The following OR5K1 variants were observed in gnomAD, a reference collection of about 807,000 sequenced individuals.
The protein encoded by OR5K1 is olfactory receptor 5K1.
In OR5K1, 7 loss-of-function variants were observed where a neutral mutation model predicts 10.4. The ratio of observed to expected loss-of-function variants is 0.67; its 90% confidence interval spans 0.38 to 1.26. OR5K1 has a LOEUF of 1.26. OR5K1 is among the 50% of genes most tolerant of loss of function. The probability of loss-of-function intolerance (pLI) is 0.02; values close to 1 mark genes in which losing one functional copy is unlikely to be tolerated. For synonymous variants in OR5K1, 135 were observed against 128.5 expected (o/e 1.05, Z -0.34); for missense variants, 435 against 366.2 (o/e 1.19, Z -1.53).
chr3:98,471,439 T>C lies in OR5K1; in HGVS notation c.*936T>C, dbSNP rs1705446113. The C allele has an allele frequency of 3.9e-5, 6 of 152,034 alleles. No homozygotes were observed. Among genetic ancestry groups the C allele is most frequent in the Admixed American group, 2.6e-4 (4 of 15,246 alleles). 9.4% of individuals were successfully genotyped at this position (152,034 alleles called of 1,614,324 possible). On this transcript the variant is annotated 3_prime_UTR_variant, in exon 2 of 2. Coordinates refer to ENST00000642057, the MANE Select transcript of OR5K1 (RefSeq NM_001004736.4). ...CTTTTCACTATTGCAAAACCTGAAG[T>C]TGGTATTGTGGGTAGAGTAATGATC...
chr3:98,464,150 G>T (rs1705342177), intron 1 of OR5K1, among the ~76,000 whole-genome samples: 1 of 152,072 alleles, frequency 6.6e-6, no homozygotes, highest in Non-Finnish European at 1.5e-5. Flanking sequence ...TTCATACTTG[G>T]TAGGCAGAGG....
In OR5K1 at chr3:98,469,755, A is replaced by G. The variant is rs1015344281; in HGVS notation, c.179A>G (p.Tyr60Cys). ...CACCGTCGGCTTCACACACCAATGT[A>G]CATCTTTCTGGGAAATCTGGCTCTT... ...FTHRRLHTPM[Y>C]IFLGNLALVD... is the part of the protein sequence containing the mutation. The change falls in exon 2 of 2, where the codon TAC (tyrosine) becomes TGC (cysteine). Residue 60 changes from tyrosine (Y) to cysteine (C), a missense_variant. Physicochemically the swap from Tyr to Cys is radical, Grantham distance 194. Coordinates refer to ENST00000642057, the MANE Select transcript of OR5K1 (RefSeq NM_001004736.4). 6 of 1,613,706 alleles carry G rather than the reference A, an allele frequency of 3.7e-6. No homozygotes were observed. The African/African-American group carries it at 6.7e-5, about 18-fold the overall frequency.
intron 1 of OR5K1, among the ~76,000 whole-genome samples, chr3:98,467,287 G>A: frequency 2.0e-5 from 1 of 50,538 alleles, no homozygotes; most frequent in Non-Finnish European, 3.3e-5. Context: ...GTACCATGCT[G>A]TTTTGGTTAC....
chr3:98,469,951 C>T lies in OR5K1; in HGVS notation c.375C>T (p.Ala125=), dbSNP rs1489088681. The T allele has an allele frequency of 6.2e-6, 10 of 1,613,646 alleles. No homozygotes were observed. The highest frequency in any genetic ancestry group is 7.6e-6 in the Non-Finnish European group (9 of 1,179,832). ...LAAMAYDRYV[A]ICNPLQYHIM... ...CAATGGCCTATGACCGCTATGTGGC[C>T]ATATGCAACCCACTGCAGTACCACA... The change falls in exon 2 of 2, where the codon GCC becomes GCT. Residue 125 remains alanine, a synonymous_variant. Coordinates refer to ENST00000642057, the MANE Select transcript of OR5K1 (RefSeq NM_001004736.4).
chr3:98,463,762 A>G (rs1705338768), intron 1 of OR5K1, among the ~76,000 whole-genome samples: 1 of 152,160 alleles, frequency 6.6e-6, no homozygotes, highest in African/African-American at 2.4e-5. Context: ...TATAATTTTG[A>G]GGAATGTTCT....
intron 1 of OR5K1, among the ~76,000 whole-genome samples, chr3:98,465,889 CT>C (rs57195352): frequency 0.35 from 52,556 of 150,022 alleles, 9,302 homozygotes; most frequent in Middle Eastern, 0.48. Flanking sequence ...ATAAATTTGT[CT>C]TTTTTTTTTA....
chr3:98,464,280 A>G (rs891743428), intron 1 of OR5K1, among the ~76,000 whole-genome samples: 4 of 152,150 alleles, frequency 2.6e-5, no homozygotes, highest in Admixed American at 6.5e-5. Flanking sequence ...AAAAAAATAT[A>G]TATATACACA....
chr3:98,468,462 T>G (rs1042768610), intron 1 of OR5K1, among the ~76,000 whole-genome samples: 6 of 152,016 alleles, frequency 3.9e-5, no homozygotes, highest in Non-Finnish European at 7.4e-5. Context: ...ACTGAAACTC[T>G]GTAACCATTA....
intron 1 of OR5K1, among the ~76,000 whole-genome samples, chr3:98,463,916 T>C (rs1211129350): frequency 6.6e-6 from 1 of 152,148 alleles, no homozygotes; most frequent in Non-Finnish European, 1.5e-5. Flanking sequence ...GAAAAAGTTA[T>C]TCAAATTACA....
In OR5K1 at chr3:98,472,227, G is replaced by GGCTT. The variant is rs1705456395; in HGVS notation, c.*1725_*1726insCTTG. On this transcript the variant is annotated 3_prime_UTR_variant, in exon 2 of 2. Coordinates refer to ENST00000642057, the MANE Select transcript of OR5K1 (RefSeq NM_001004736.4). ...CTATTTATCCAACCCACAAGGCTTT[G>GGCTT]GGTTGGCTGGCTCTCTCTCTCTTAC... is the stretch of plus-strand genomic sequence containing the variant. The GGCTT allele has an allele frequency of 1.1e-4, 13 of 113,216 alleles. No individual in the cohort carries two copies. Among genetic ancestry groups the GGCTT allele is most frequent in the Admixed American group, 4.3e-4 (5 of 11,574 alleles). The allele number at this position is 113,216 out of a possible 1,614,324, so 7.0% of individuals were successfully genotyped here.
At chr3:98,468,033 C>T (rs1285350834) in intron 1 of OR5K1, among the ~76,000 whole-genome samples, 1 of 152,068 alleles carries the variant, frequency 6.6e-6, no homozygotes, top group Non-Finnish European at 1.5e-5. Flanking sequence ...TTTTTGATAG[C>T]ATTTAAATTT....
Position 98,470,578 on chromosome 3 carries a change from A to G in OR5K1, c.*75A>G, listed in dbSNP as rs1284267386. Reference sequence around the variant, plus strand: ...AATGCAGCAAAAACTTCCATGTGAAATTACACAGGGGAAATGCATAAATTA... The same window carrying G: ...AATGCAGCAAAAACTTCCATGTGAAGTTACACAGGGGAAATGCATAAATTA... On this transcript the variant is annotated 3_prime_UTR_variant, in exon 2 of 2. Transcript: ENST00000642057. 2 of 819,258 alleles carry G rather than the reference A, an allele frequency of 2.4e-6. No homozygotes were observed. Among genetic ancestry groups the G allele is most frequent in the Non-Finnish European group, 3.8e-6 (2 of 522,980 alleles). 50.7% of individuals were successfully genotyped at this position (819,258 alleles called of 1,614,324 possible).
chr3:98,464,513 T>C (rs556843658), intron 1 of OR5K1, among the ~76,000 whole-genome samples: 1 of 152,272 alleles, frequency 6.6e-6, no homozygotes, highest in South Asian at 2.1e-4. Context: ...CCAATGACTA[T>C]CAGTTCAATT....
chr3:98,463,708 T>C (rs1705338031), intron 1 of OR5K1, among the ~76,000 whole-genome samples: 1 of 152,146 alleles, frequency 6.6e-6, no homozygotes, highest in South Asian at 2.1e-4. Flanking sequence ...AAACAAATTA[T>C]ATAAGTAAGG....
intron 1 of OR5K1, among the ~76,000 whole-genome samples, chr3:98,463,830 AC>A (rs1265734206): frequency 6.6e-6 from 1 of 152,174 alleles, no homozygotes; most frequent in East Asian, 1.9e-4. Context: ...TTTCTATCTG[AC>A]CAATGGACAA....
In OR5K1 at chr3:98,471,186, T is replaced by C. The variant is rs1705442460; in HGVS notation, c.*683T>C. ...AGAGAGTTTTATCTACTCCCATATC[T>C]ACCTGCATAAATATACCATAACACA... On this transcript the variant is annotated 3_prime_UTR_variant, in exon 2 of 2. Coordinates refer to ENST00000642057, the MANE Select transcript of OR5K1 (RefSeq NM_001004736.4). 1 of 152,040 alleles carries C rather than the reference T, an allele frequency of 6.6e-6. No individual in the cohort carries two copies. The highest frequency in any genetic ancestry group is 1.5e-5 in the Non-Finnish European group (1 of 67,984). The allele number at this position is 152,040 out of a possible 1,614,324, so 9.4% of individuals were successfully genotyped here. A position where few individuals can be genotyped will look rare whatever the true frequency, so the allele number is the denominator to read the frequency against.
At chr3:98,465,760 G>A (rs193149871) in intron 1 of OR5K1, among the ~76,000 whole-genome samples, 1 of 151,798 alleles carries the variant, frequency 6.6e-6, no homozygotes, top group Admixed American at 6.6e-5. Flanking sequence ...CTATTTTCTA[G>A]TGATTATTTG....
chr3:98,468,046 T>G (rs1045472649), intron 1 of OR5K1, among the ~76,000 whole-genome samples: 1 of 152,140 alleles, frequency 6.6e-6, no homozygotes, highest in African/African-American at 2.4e-5. Context: ...TTAAATTTCA[T>G]GCACACATGA....
At position 98,470,307 on chromosome 3, in the gene OR5K1, A is replaced by G. The variant is rs747703788; in HGVS notation, c.731A>G (p.His244Arg). The change falls in exon 2 of 2, where the codon CAC (histidine) becomes CGC (arginine). Residue 244 changes from histidine (H) to arginine (R), a missense_variant. Coordinates refer to ENST00000642057, the MANE Select transcript of OR5K1 (RefSeq NM_001004736.4). The part of the protein sequence containing the change: ...RAKAFSTCAS[H>R]FLSVSLFYGS... ...AAAGCTTTTTCTACCTGTGCATCCCACTTTTTGTCAGTTTCATTATTCTAT... is the reference window on the plus strand; with the variant it reads ...AAAGCTTTTTCTACCTGTGCATCCCGCTTTTTGTCAGTTTCATTATTCTAT... 2 of 1,613,246 alleles carry G rather than the reference A, an allele frequency of 1.2e-6. No individual in the cohort carries two copies. The highest frequency in any genetic ancestry group is 1.7e-6 in the Non-Finnish European group (2 of 1,179,606).
Sources: gnomAD v4.1 joint callset for allele counts (sites outside exome capture counted in the v4.1 genomes callset) on GRCh38, gnomAD v4.1.1 for gene constraint, MANE v1.5 for transcripts, NCBI Gene and HGNC (gene_info 2026-07-23, HGNC 2026-07-21) for gene names.